The following CYP4Z1 variants were observed in gnomAD, a reference collection of about 807,000 sequenced individuals.
CYP4Z1 encodes cytochrome P450 4Z1.
CYP4Z1 carries 41 observed loss-of-function variants against 54.2 expected under a neutral mutation model. The observed-to-expected ratio is 0.76, with a 90% confidence interval of 0.59 to 0.98. The LOEUF is 0.98. Among genes scored for constraint, CYP4Z1 ranks in the 50% least tolerant of loss-of-function variants. CYP4Z1 has a pLI of 0.00. For synonymous variants in CYP4Z1, 163 were observed against 206.2 expected, an observed-to-expected ratio of 0.79 and a Z score of 1.79; for missense variants, 513 against 599.0, an observed-to-expected ratio of 0.86 and a Z score of 1.50.
In CYP4Z1 at chr1:47,115,811, C is replaced by T. The variant is rs534332226; in HGVS notation, c.1266+218C>T. On this transcript the variant is annotated intron_variant, in intron 10 of 11. Transcript: ENST00000334194. ...GCCTTATCAACAGAAGCATATCATC[C>T]CCTGGGAAGTAGAGGGGTGTGATTA... is the stretch of plus-strand genomic sequence containing the variant. Among the ~76,000 whole-genome samples, 4 of 152,240 alleles carry T rather than the reference C, an allele frequency of 2.6e-5. No individual in the cohort carries two copies. In the South Asian group the frequency reaches 8.3e-4, roughly 32 times the overall value.
At chr1:47,084,163 T>C (rs1392238620) in intron 4 of CYP4Z1, among the ~76,000 whole-genome samples, 1 of 152,302 alleles carries the variant, frequency 6.6e-6, no homozygotes, top group Non-Finnish European at 1.5e-5. Flanking sequence ...TCTTTGAGAA[T>C]AAGAACTATC....
the CYP4Z1 span, among the ~76,000 whole-genome samples, chr1:47,060,894 A>T: frequency 6.6e-6 from 1 of 152,202 alleles, no homozygotes; most frequent in Non-Finnish European, 1.5e-5. Context: ...GTCAAGATTA[A>T]AGCAATCATT....
intron 8 of CYP4Z1, among the ~76,000 whole-genome samples, chr1:47,101,751 C>G (rs528533594): frequency 6.6e-6 from 1 of 152,078 alleles, no homozygotes; most frequent in African/African-American, 2.4e-5. Context: ...CTGTAAATGT[C>G]TGGGAGGTAC....
At chr1:47,082,544 T>A in intron 4 of CYP4Z1, 83 bp downstream of exon 4, 4 of 1,537,736 alleles carry the variant, frequency 2.6e-6, no homozygotes, top group Non-Finnish European at 3.5e-6. Context: ...CTGAGTTCCC[T>A]CAGAACCATG....
At chr1:47,074,099 T>C (rs1644501422) in intron 2 of CYP4Z1, among the ~76,000 whole-genome samples, 1 of 152,226 alleles carries the variant, frequency 6.6e-6, no homozygotes, top group Non-Finnish European at 1.5e-5. Context: ...AGGTCTTTAG[T>C]CCTTTTTTTG....
chr1:47,096,286 C>T (rs1228123415), intron 7 of CYP4Z1, among the ~76,000 whole-genome samples: 1 of 152,158 alleles, frequency 6.6e-6, no homozygotes, highest in African/African-American at 2.4e-5. Context: ...GGTGTGGCAG[C>T]ACTGCCTGTA....
At position 47,099,228 on chromosome 1, in the gene CYP4Z1, G is replaced by T. The variant is rs1644702297; in HGVS notation, c.1011G>T (p.Gln337His). Residue 337 changes from glutamine to histidine, a missense_variant, in exon 8 of 12, where the codon CAG becomes CAT. Physicochemically the swap from Gln to His is conservative, Grantham distance 24. Transcript: ENST00000334194. Reference sequence around the variant, plus strand: ...GCTTGGCAAAGTACCCTGAGCATCAGCAGAGATGCCGAGATGAAATCAGGG... The same window carrying T: ...GCTTGGCAAAGTACCCTGAGCATCATCAGAGATGCCGAGATGAAATCAGGG... ...LYCLAKYPEH[Q>H]QRCRDEIREL... is the part of the protein sequence containing the mutation. 1.2e-6 allele frequency: 2 copies of T among 1,613,856 alleles called. No homozygotes were observed. Among genetic ancestry groups the T allele is most frequent in the East Asian group, 4.5e-5 (2 of 44,828 alleles).
intron 2 of CYP4Z1, among the ~76,000 whole-genome samples, chr1:47,070,390 G>A (rs1388041545): frequency 9.7e-6 from 1 of 103,298 alleles, no homozygotes; most frequent in Non-Finnish European, 1.8e-5. Flanking sequence ...AACTATCACC[G>A]CCATCCATCT....
chr1:47,058,417 G>A, the CYP4Z1 span, among the ~76,000 whole-genome samples: 1 of 151,934 alleles, frequency 6.6e-6, no homozygotes, highest in Non-Finnish European at 1.5e-5. Flanking sequence ...GTTGCACTTA[G>A]GACATCCTCG....
the CYP4Z1 span, among the ~76,000 whole-genome samples, chr1:47,056,371 T>C: frequency 1.3e-5 from 2 of 152,142 alleles, no homozygotes; most frequent in African/African-American, 4.8e-5. Flanking sequence ...AGGTGTGGTG[T>C]GGTGCTGAAA....
At chr1:47,056,394 C>T in the CYP4Z1 span, among the ~76,000 whole-genome samples, 4 of 152,102 alleles carry the variant, frequency 2.6e-5, no homozygotes, top group Non-Finnish European at 4.4e-5. Context: ...AATGTATATT[C>T]TGTTGATTTG....
chr1:47,058,935 G>A, the CYP4Z1 span, among the ~76,000 whole-genome samples: 1 of 152,066 alleles, frequency 6.6e-6, no homozygotes, highest in Non-Finnish European at 1.5e-5. Flanking sequence ...TCACTGTGGT[G>A]TTCTAATTTT....
intron 6 of CYP4Z1, among the ~76,000 whole-genome samples, chr1:47,086,848 T>A (rs1644599072): frequency 6.6e-6 from 1 of 152,230 alleles, no homozygotes; most frequent in East Asian, 1.9e-4. Context: ...AAATCTTTAA[T>A]CCATCTTGAA....
intron 7 of CYP4Z1, among the ~76,000 whole-genome samples, chr1:47,097,820 ATT>A (rs35258883): frequency 3.1e-5 from 4 of 128,360 alleles, no homozygotes; most frequent in Non-Finnish European, 3.2e-5. Context: ...GTTCCATATG[ATT>A]TTTTTTTTTT....
chr1:47,078,161 T>C (rs1644539072), intron 2 of CYP4Z1, among the ~76,000 whole-genome samples: 1 of 152,180 alleles, frequency 6.6e-6, no homozygotes, highest in Non-Finnish European at 1.5e-5. Flanking sequence ...GGACTCCAAT[T>C]ATGCATATGT....
At chr1:47,114,997 G>A (rs1241416086) in intron 9 of CYP4Z1, among the ~76,000 whole-genome samples, 2 of 152,148 alleles carry the variant, frequency 1.3e-5, no homozygotes, top group African/African-American at 2.4e-5. Flanking sequence ...ACATGCACAC[G>A]TATGTTTATT....
chr1:47,082,312 G>A, intron 3 of CYP4Z1, 22 bp from the exon 4 acceptor site: 2 of 1,583,512 alleles, frequency 1.3e-6, no homozygotes, highest in East Asian at 2.2e-5. Context: ...GATAGAAACA[G>A]TTGCCCCTCT....
chr1:47,086,298 A>G (rs1426622392), intron 6 of CYP4Z1, among the ~76,000 whole-genome samples: 8 of 152,080 alleles, frequency 5.3e-5, no homozygotes, highest in African/African-American at 1.7e-4. Flanking sequence ...GAACTAGTTT[A>G]CAGTCCCACC....
intron 6 of CYP4Z1, among the ~76,000 whole-genome samples, chr1:47,087,959 G>T (rs1252609518): frequency 6.6e-6 from 1 of 152,154 alleles, no homozygotes; most frequent in Non-Finnish European, 1.5e-5. Context: ...AAATCATGTG[G>T]TTTTTGTCTT....
Sources: gnomAD v4.1 joint callset for allele counts (sites outside exome capture counted in the v4.1 genomes callset) on GRCh38, gnomAD v4.1.1 for gene constraint, MANE v1.5 for transcripts, NCBI Gene and HGNC (gene_info 2026-07-23, HGNC 2026-07-21) for gene names.